The following FGF12 variants were observed in gnomAD, a reference collection of about 807,000 sequenced individuals.
FGF12 encodes the protein fibroblast growth factor 12.
Under a neutral mutation model 23.6 loss-of-function variants are expected in FGF12, and 14 were observed. The ratio of observed to expected loss-of-function variants is 0.59; its 90% CI spans 0.39 to 0.93. The LOEUF (loss-of-function observed/expected upper bound fraction) is 0.93. Among genes scored for constraint, FGF12 ranks in the 40% least tolerant of loss-of-function variants. FGF12 has a pLI of 0.00. For missense variants in FGF12, 175 were observed against 217.8 expected (o/e 0.80, Z 1.24); for synonymous variants, 62 against 77.3 (o/e 0.80, Z 1.04).
chr3:192,441,912 G>T (rs1384071520), intron 2 of FGF12, among the ~76,000 whole-genome samples: 1 of 152,172 alleles, frequency 6.6e-6, no homozygotes, highest in Non-Finnish European at 1.5e-5. Context: ...TAGGTTAGAT[G>T]AACTCATTAT....
At chr3:192,480,201 A>G (rs1723442523) in intron 2 of FGF12, among the ~76,000 whole-genome samples, 1 of 152,168 alleles carries the variant, frequency 6.6e-6, no homozygotes, top group Admixed American at 6.5e-5. Flanking sequence ...TATTATAGAG[A>G]CAGAATAAAG....
chr3:192,378,080 T>TTCTTTCTTTCTG (rs1186177456), intron 2 of FGF12, among the ~76,000 whole-genome samples: 7,611 of 105,746 alleles, frequency 0.072, 801 homozygotes, highest in East Asian at 0.13. Flanking sequence ...CTTTCTTTCT[T>TTCTTTCTTTCTG]TCTTTCTTTC....
intron 2 of FGF12, among the ~76,000 whole-genome samples, chr3:192,625,106 CT>C (rs1349892096): frequency 2.0e-5 from 3 of 152,052 alleles, no homozygotes; most frequent in Non-Finnish European, 4.4e-5. Context: ...TGTGTCTAAT[CT>C]TTTGCTTTTA....
intron 4 of FGF12, among the ~76,000 whole-genome samples, chr3:192,213,320 T>C (rs1462096085): frequency 4.6e-5 from 7 of 152,150 alleles, no homozygotes; most frequent in African/African-American, 7.2e-5. Context: ...AGTAGGGAGC[T>C]CTGGATGAAT....
At chr3:192,672,409 C>T (rs1035887629) in intron 2 of FGF12, among the ~76,000 whole-genome samples, 2 of 150,894 alleles carry the variant, frequency 1.3e-5, no homozygotes, top group African/African-American at 4.8e-5. Context: ...GATGAACACA[C>T]ATTAAAATTG....
chr3:192,497,691 C>T (rs1330475697), intron 2 of FGF12, among the ~76,000 whole-genome samples: 5 of 152,174 alleles, frequency 3.3e-5, no homozygotes, highest in Non-Finnish European at 7.3e-5. Flanking sequence ...ACACCTTCCC[C>T]AGGTATTTGC....
At chr3:192,235,274 T>C (rs764648367) in intron 4 of FGF12, among the ~76,000 whole-genome samples, 17 of 151,998 alleles carry the variant, frequency 1.1e-4, no homozygotes, top group Non-Finnish European at 2.4e-4. Flanking sequence ...TCTTCGGAGG[T>C]TGTATGTTTT....
intron 2 of FGF12, among the ~76,000 whole-genome samples, chr3:192,460,121 A>AG (rs1722817755): frequency 6.6e-6 from 1 of 152,086 alleles, no homozygotes; most frequent in East Asian, 1.9e-4. Context: ...ACCTTGTGGG[A>AG]GGGGGGAGTT....
rs1293637542 is a variant in FGF12 at position 192,514,859 on chromosome 3, C to T, written c.14-154321G>A. ...CGGAAGCCGGGTCCCGAGTCCATCG[C>T]GCGCGCCCAGGTGGAGGGGAGTTTG... On this transcript the variant is annotated intron_variant, in intron 2 of 5. Coordinates refer to ENST00000445105, the MANE Select transcript of FGF12 (RefSeq NM_004113.6). This position sits in a 1 kb window ranked among gnomAD's most constrained non-coding sequence, Gnocchi z 4.9. 5 of 985,224 alleles carry T rather than the reference C, an allele frequency of 5.1e-6. No individual in the cohort carries two copies. Among genetic ancestry groups the T allele is most frequent in the Non-Finnish European group, 4.8e-6 (4 of 829,914 alleles). 61.0% of individuals were successfully genotyped at this position (985,224 alleles called of 1,614,324 possible).
chr3:192,431,972 G>A (rs1721872003), intron 2 of FGF12, among the ~76,000 whole-genome samples: 1 of 152,086 alleles, frequency 6.6e-6, no homozygotes, highest in African/African-American at 2.4e-5. Flanking sequence ...ATGTCTCTTT[G>A]TTGTCTTTTT....
At chr3:192,342,220 T>C (rs1717725909) in intron 3 of FGF12, among the ~76,000 whole-genome samples, 2 of 152,222 alleles carry the variant, frequency 1.3e-5, no homozygotes, top group African/African-American at 4.8e-5. Context: ...AGTTTCTCCT[T>C]ACACATGTTT....
At chr3:192,432,824 C>T (rs1721904114) in intron 2 of FGF12, among the ~76,000 whole-genome samples, 1 of 151,998 alleles carries the variant, frequency 6.6e-6, no homozygotes, top group Admixed American at 6.6e-5. Flanking sequence ...GAAGCTGTGT[C>T]CGGTTTACTG....
intron 2 of FGF12, among the ~76,000 whole-genome samples, chr3:192,438,791 G>A (rs1310152496): frequency 2.0e-5 from 3 of 152,154 alleles, no homozygotes; most frequent in African/African-American, 4.8e-5. Context: ...GTTTGCATGC[G>A]CTTCAACATG....
chr3:192,662,035 C>T (rs1156930173), intron 2 of FGF12, among the ~76,000 whole-genome samples: 1 of 152,228 alleles, frequency 6.6e-6, no homozygotes, highest in Non-Finnish European at 1.5e-5. Context: ...GCATCTGACT[C>T]AGCCTGAGTG....
intron 2 of FGF12, among the ~76,000 whole-genome samples, chr3:192,583,387 A>G (rs1713241561): frequency 6.6e-6 from 1 of 152,224 alleles, no homozygotes; most frequent in South Asian, 2.1e-4. Context: ...TTCCTTTTCT[A>G]GAGAAAATAC....
intron 2 of FGF12, among the ~76,000 whole-genome samples, chr3:192,658,245 A>G (rs1329169907): frequency 3.9e-5 from 6 of 151,902 alleles, no homozygotes; most frequent in African/African-American, 1.4e-4. Flanking sequence ...TAGGTGGTAA[A>G]CCGGACCCAT....
chr3:192,223,313 T>C (rs535716639), intron 4 of FGF12, among the ~76,000 whole-genome samples: 1 of 152,290 alleles, frequency 6.6e-6, no homozygotes, highest in African/African-American at 2.4e-5. Context: ...AACAAGTAAA[T>C]ATCAGTGCAT....
chr3:192,289,258 T>C (rs1714627954), intron 4 of FGF12, among the ~76,000 whole-genome samples: 1 of 152,114 alleles, frequency 6.6e-6, no homozygotes, highest in South Asian at 2.1e-4. Context: ...CCCAACAAGG[T>C]AGACAAGGTC....
chr3:192,599,236 G>A (rs547977651), intron 2 of FGF12, among the ~76,000 whole-genome samples: 11 of 121,538 alleles, frequency 9.1e-5, no homozygotes, highest in Non-Finnish European at 1.3e-4. Flanking sequence ...TTCTGCACAC[G>A]TACCCCAGAA....
Sources: gnomAD v4.1 joint callset for allele counts (sites outside exome capture counted in the v4.1 genomes callset) on GRCh38, gnomAD v4.1.1 for gene constraint, Gnocchi (gnomAD v3.1) non-coding constraint, MANE v1.5 for transcripts, NCBI Gene and HGNC (gene_info 2026-07-23, HGNC 2026-07-21) for gene names.